Variants in CGNL1 observed in about 807,000 individuals in gnomAD.
CGNL1 encodes the protein cingulin-like protein 1.
CGNL1 carries 132 observed loss-of-function variants against 141.2 expected under a neutral mutation model. The observed-to-expected ratio is 0.93, with a 90% CI of 0.81 to 1.08. The LOEUF (loss-of-function observed/expected upper bound fraction) is 1.08, where lower values mean the gene tolerates loss of function less well. Ranked by LOEUF, CGNL1 falls within the 50% of genes least tolerant of loss-of-function variation. CGNL1 has a pLI of 0.00. For missense variants in CGNL1, 1,870 were observed against 1,588.6 expected (o/e 1.18, Z -3.01); for synonymous variants, 690 against 622.1 (o/e 1.11, Z -1.63).
chr15:57,424,404 A>T (rs1239113984), intron 1 of CGNL1, among the ~76,000 whole-genome samples: 1 of 151,984 alleles, frequency 6.6e-6, no homozygotes, highest in Non-Finnish European at 1.5e-5. Context: ...TTTCTTATTC[A>T]TCCTCACTCT....
At chr15:57,497,932 C>T (rs764878023) in intron 8 of CGNL1, among the ~76,000 whole-genome samples, 1 of 152,208 alleles carries the variant, frequency 6.6e-6, no homozygotes, top group Non-Finnish European at 1.5e-5. Context: ...GTGTGAAAGA[C>T]ATTCTCTGTA....
intron 1 of CGNL1, among the ~76,000 whole-genome samples, chr15:57,395,867 A>T (rs574203644): frequency 1.3e-5 from 2 of 152,038 alleles, no homozygotes; most frequent in African/African-American, 2.4e-5. Context: ...GTTAAAAAAC[A>T]TTTTTTTTAA....
intron 1 of CGNL1, among the ~76,000 whole-genome samples, chr15:57,384,436 T>C (rs1333481254): frequency 6.6e-6 from 1 of 152,184 alleles, no homozygotes; most frequent in Non-Finnish European, 1.5e-5. Flanking sequence ...ATTGGGTAAC[T>C]TGTCAAAGTG....
At chr15:57,390,180 T>C (rs988801166) in intron 1 of CGNL1, among the ~76,000 whole-genome samples, 60 of 152,274 alleles carry the variant, frequency 3.9e-4, no homozygotes, top group African/African-American at 1.4e-3. Context: ...TGGTTGGGTG[T>C]GGTTTGGTTG....
intron 18 of CGNL1, 81 bp from the exon 19 acceptor site, chr15:57,547,274 C>G: frequency 6.5e-7 from 1 of 1,540,692 alleles, no homozygotes; most frequent in Non-Finnish European, 8.8e-7. Flanking sequence ...GGGACAGCAA[C>G]CCAAAACCCT....
intron 7 of CGNL1, among the ~76,000 whole-genome samples, chr15:57,457,037 C>T (rs1351923563): frequency 6.6e-6 from 1 of 152,090 alleles, no homozygotes; most frequent in Admixed American, 6.5e-5. Context: ...TGATTCTCAC[C>T]AGCCGTGTGA....
At chr15:57,481,957 T>C (rs1378800109) in intron 8 of CGNL1, among the ~76,000 whole-genome samples, 6 of 152,230 alleles carry the variant, frequency 3.9e-5, no homozygotes, top group African/African-American at 1.4e-4. Context: ...TTAGCCATTC[T>C]GATAGGTATA....
At position 57,426,008 on chromosome 15, in the gene CGNL1, G is replaced by A. The variant is rs572243262; in HGVS notation, c.-15-11977G>A. Among the ~76,000 whole-genome samples, 214 of 152,166 alleles carry A rather than the reference G, an allele frequency of 1.4e-3. 1 individual carries two copies. Among genetic ancestry groups the A allele is most frequent in the Non-Finnish European group, 2.6e-3 (174 of 67,998 alleles). On this transcript the variant is annotated intron_variant, in intron 1 of 18. Transcript: ENST00000281282. ...TCACCAATTCTAGGGCCTGGCTTAG[G>A]AAGGTATGTAGGCAGGGACCCCCCT...
At chr15:57,518,114 A>G (rs944364469) in intron 9 of CGNL1, among the ~76,000 whole-genome samples, 13 of 152,040 alleles carry the variant, frequency 8.6e-5, no homozygotes, top group Non-Finnish European at 1.8e-4. Context: ...ATGACCAGCC[A>G]GAGCAATATA....
intron 1 of CGNL1, among the ~76,000 whole-genome samples, chr15:57,432,812 T>C (rs1325632556): frequency 6.6e-6 from 1 of 152,376 alleles, no homozygotes; most frequent in East Asian, 1.9e-4. Context: ...GATTGAGGTT[T>C]GTTGTCAAGG....
chr15:57,526,997 G>T (rs1303244228), intron 12 of CGNL1, among the ~76,000 whole-genome samples: 1 of 152,154 alleles, frequency 6.6e-6, no homozygotes, highest in Admixed American at 6.5e-5. Context: ...AGCTTTAGAA[G>T]GCTGATTTTA....
chr15:57,501,627 G>C (rs554633456), intron 8 of CGNL1, among the ~76,000 whole-genome samples: 1 of 152,292 alleles, frequency 6.6e-6, no homozygotes, highest in African/African-American at 2.4e-5. Flanking sequence ...AAGGGAAAAG[G>C]GTGTTGTCTG....
At chr15:57,507,718 TG>T (rs2064122568) in intron 8 of CGNL1, among the ~76,000 whole-genome samples, 1 of 152,218 alleles carries the variant, frequency 6.6e-6, no homozygotes, top group African/African-American at 2.4e-5. Flanking sequence ...GCAGGGACAT[TG>T]TTACAGATGA....
chr15:57,439,099 A>C lies in CGNL1; in HGVS notation c.1100A>C (p.Gln367Pro). The C allele has an allele frequency of 2.5e-6, 4 of 1,614,232 alleles. No homozygotes were observed. The highest frequency in any genetic ancestry group is 3.4e-6 in the Non-Finnish European group (4 of 1,180,046). Residue 367 changes from glutamine to proline, a missense_variant, in exon 2 of 19, where the codon CAG (glutamine) becomes CCG (proline). Gln to Pro is a moderately conservative substitution (Grantham distance 76, BLOSUM62 -1). Transcript: ENST00000281282. Reference sequence around the variant, plus strand: ...AAATTTGATCAAAAACCTGGGCTTCAGAGAAGAGGAAGGTCTGGGAAGCGA... The same window carrying C: ...AAATTTGATCAAAAACCTGGGCTTCCGAGAAGAGGAAGGTCTGGGAAGCGA... ...IEKFDQKPGL[Q>P]RRGRSGKRNR...
At chr15:57,452,602 A>G (rs1414333879) in intron 6 of CGNL1, among the ~76,000 whole-genome samples, 1 of 152,200 alleles carries the variant, frequency 6.6e-6, no homozygotes, top group African/African-American at 2.4e-5. Flanking sequence ...TGAAAGACAG[A>G]GTTCAAGGAG....
At chr15:57,523,243 C>T (rs1477152609) in intron 10 of CGNL1, among the ~76,000 whole-genome samples, 7 of 152,194 alleles carry the variant, frequency 4.6e-5, no homozygotes, top group African/African-American at 9.7e-5. Context: ...TTCTGTAGCA[C>T]GTTGTTTGTC....
chr15:57,518,193 C>A (rs4625664), intron 9 of CGNL1, among the ~76,000 whole-genome samples, 200 bp from the exon 10 acceptor site: 1 of 151,852 alleles, frequency 6.6e-6, no homozygotes, highest in African/African-American at 2.4e-5. Flanking sequence ...TTCACACCTG[C>A]CTGAGAACTG....
intron 10 of CGNL1, among the ~76,000 whole-genome samples, chr15:57,519,451 G>A (rs1457662293): frequency 6.6e-6 from 1 of 152,158 alleles, no homozygotes; most frequent in African/African-American, 2.4e-5. Context: ...TAGAGGAGAG[G>A]AAGGATTCCC....
chr15:57,492,963 C>T (rs1302514464), intron 8 of CGNL1, among the ~76,000 whole-genome samples: 2 of 152,088 alleles, frequency 1.3e-5, no homozygotes, highest in Non-Finnish European at 2.9e-5. Flanking sequence ...ATTTTACTTC[C>T]TTACTGTGAA....
Sources: allele counts gnomAD v4.1 joint callset (sites outside exome capture counted in the v4.1 genomes callset), GRCh38; gene constraint gnomAD v4.1.1; transcripts MANE v1.5; gene names NCBI Gene and HGNC (gene_info 2026-07-23, HGNC 2026-07-21).